The following NALF1 variants were observed in gnomAD, a reference collection of about 807,000 sequenced individuals.
NALF1 encodes the protein NALCN channel auxiliary factor 1, also known as family with sequence similarity 155 member A.
NALF1 carries 3 observed loss-of-function variants against 48.4 expected under a neutral mutation model. That is an observed-to-expected ratio of 0.06 (90% confidence interval 0.03 to 0.16). NALF1 has a LOEUF of 0.16. Among genes scored for constraint, NALF1 ranks in the 10% least tolerant of loss-of-function variants. The pLI, the probability that NALF1 is intolerant of heterozygous loss-of-function variation, is 1.00. For missense variants in NALF1, 526 were observed against 571.5 expected (o/e 0.92, Z 0.81); for synonymous variants, 262 against 245.7 (o/e 1.07, Z -0.62).
intron 1 of NALF1, among the ~76,000 whole-genome samples, chr13:107,483,785 T>C (rs1885287883): frequency 7.7e-6 from 1 of 129,392 alleles, no homozygotes; most frequent in African/African-American, 2.5e-5. Context: ...ATTCAAAATG[T>C]CAGCAATCTG....
intron 2 of NALF1, among the ~76,000 whole-genome samples, chr13:107,190,087 C>A (rs1055368862): frequency 3.3e-5 from 5 of 152,090 alleles, no homozygotes; most frequent in African/African-American, 1.2e-4. Context: ...TTTTGTAAAT[C>A]AGTGTTACTG....
chr13:107,740,537 T>C (rs899998273), intron 1 of NALF1, among the ~76,000 whole-genome samples: 1 of 152,232 alleles, frequency 6.6e-6, no homozygotes, highest in Non-Finnish European at 1.5e-5. Flanking sequence ...TATTAGATTA[T>C]TCATCACAAT....
intron 1 of NALF1, among the ~76,000 whole-genome samples, chr13:107,802,486 T>G (rs1878649593): frequency 6.6e-6 from 1 of 152,184 alleles, no homozygotes; most frequent in African/African-American, 2.4e-5. Context: ...TTCTTGTAAT[T>G]TGCAATTTTA....
chr13:107,170,576 GCTGTGAGCA>G lies in NALF1; in HGVS notation c.1289_1297del (p.Val430_Thr432del). On this transcript the variant is annotated inframe_deletion, in exon 3 of 3. Coordinates refer to ENST00000375915, the MANE Select transcript of NALF1 (RefSeq NM_001080396.3). ...TCCGGCTGTGTTCTGTGCTGCCGAG[GCTGTGAGCA>G]CTGTGTGTAAGAGAATCAGTACAAG... 6.2e-7 allele frequency: 1 copy of G among 1,614,144 alleles called. No homozygotes were observed. The highest frequency in any genetic ancestry group is 8.5e-7 in the Non-Finnish European group (1 of 1,180,038).
chr13:107,210,524 A>T, intron 2 of NALF1, 60 bp downstream of exon 2: 1 of 1,191,440 alleles, frequency 8.4e-7, no homozygotes, highest in Non-Finnish European at 1.2e-6. Flanking sequence ...GCAAACAAAC[A>T]TCACACAAGA....
chr13:107,211,388 G>A (rs1879758511), intron 1 of NALF1, among the ~76,000 whole-genome samples: 4 of 152,192 alleles, frequency 2.6e-5, no homozygotes, highest in African/African-American at 9.7e-5. Flanking sequence ...TGGTGTGGTT[G>A]GGAGTAGGAG....
intron 1 of NALF1, among the ~76,000 whole-genome samples, chr13:107,328,386 T>C (rs1256563988): frequency 1.3e-5 from 2 of 152,168 alleles, no homozygotes; most frequent in East Asian, 1.9e-4. Context: ...CTGTGCTTAG[T>C]GTATTGTAGG....
chr13:107,618,511 T>A (rs986054850), intron 1 of NALF1, among the ~76,000 whole-genome samples: 10 of 152,166 alleles, frequency 6.6e-5, no homozygotes, highest in Admixed American at 1.3e-4. Context: ...GAAAATGAAT[T>A]AGAGTCAAAA....
chr13:107,708,070 T>G (rs1875456374), intron 1 of NALF1, among the ~76,000 whole-genome samples: 1 of 151,976 alleles, frequency 6.6e-6, no homozygotes, highest in Non-Finnish European at 1.5e-5. Flanking sequence ...TACAGTCAAT[T>G]TTCTATCTAG....
chr13:107,748,430 AC>A (rs1194084318), intron 1 of NALF1, among the ~76,000 whole-genome samples: 2 of 152,190 alleles, frequency 1.3e-5, no homozygotes, highest in East Asian at 3.9e-4. Context: ...TAGTCTTTAT[AC>A]CACACTGGCA....
At chr13:107,215,090 C>G (rs1879843448) in intron 1 of NALF1, among the ~76,000 whole-genome samples, 2 of 152,028 alleles carry the variant, frequency 1.3e-5, no homozygotes, top group Admixed American at 1.3e-4. Flanking sequence ...GGGTGGAAAG[C>G]CTTAGAGACC....
chr13:107,279,892 T>G (rs77564422), intron 1 of NALF1, among the ~76,000 whole-genome samples: 6,968 of 152,294 alleles, frequency 0.046, 216 homozygotes, highest in South Asian at 0.064. Flanking sequence ...TCAGTTACCT[T>G]ATAAATACCA....
intron 1 of NALF1, among the ~76,000 whole-genome samples, chr13:107,756,067 T>C (rs1345892463): frequency 6.6e-6 from 1 of 152,202 alleles, no homozygotes; most frequent in Non-Finnish European, 1.5e-5. Context: ...TTGTGTCTAA[T>C]GTTTCTTTGT....
At chr13:107,695,780 T>C (rs1283477435) in intron 1 of NALF1, among the ~76,000 whole-genome samples, 3 of 152,186 alleles carry the variant, frequency 2.0e-5, no homozygotes, top group Non-Finnish European at 4.4e-5. Flanking sequence ...AGCACACCTT[T>C]ATCAAAAGCA....
intron 1 of NALF1, among the ~76,000 whole-genome samples, chr13:107,270,013 G>A (rs538988171): frequency 3.9e-4 from 54 of 140,072 alleles, no homozygotes; most frequent in Admixed American, 2.4e-3. Flanking sequence ...CTCGTGATCC[G>A]CCCGCCTCGC....
At chr13:107,275,793 T>C (rs1466936918) in intron 1 of NALF1, among the ~76,000 whole-genome samples, 1 of 152,206 alleles carries the variant, frequency 6.6e-6, no homozygotes, top group African/African-American at 2.4e-5. Flanking sequence ...GGGTGTCCTG[T>C]ATTTTTGTTC....
At chr13:107,783,092 C>T (rs1437000690) in intron 1 of NALF1, among the ~76,000 whole-genome samples, 15 of 142,916 alleles carry the variant, frequency 1.0e-4, no homozygotes, top group Non-Finnish European at 2.1e-4. Context: ...CCCGGCCAGC[C>T]GCCTCGTCCG....
chr13:107,772,660 A>T (rs1877611641), intron 1 of NALF1, among the ~76,000 whole-genome samples: 1 of 152,202 alleles, frequency 6.6e-6, no homozygotes, highest in African/African-American at 2.4e-5. Context: ...AAACATGTTC[A>T]ACGAGAAAAG....
rs199782922 is a variant in NALF1, at chr13:107,556,300, C to T, written c.915+309382G>A. The stretch of plus-strand genomic sequence containing the variant: ...ATATATATATATATATATATATACA[C>T]ACACACACACACACACACATATATA... On this transcript the variant is annotated intron_variant, in intron 1 of 2. Transcript: ENST00000375915. 8.2e-3 allele frequency among the ~76,000 whole-genome samples: 1,093 copies of T among 132,984 alleles called. 8 individuals are homozygous for T. Among genetic ancestry groups the T allele is most frequent in the African/African-American group, 0.021 (672 of 31,354 alleles). The allele number at this position is 132,984 out of a possible 152,430, so 87.2% of individuals were successfully genotyped here. A position where few individuals can be genotyped will look rare whatever the true frequency, so the allele number is the denominator to read the frequency against.
Sources: gnomAD v4.1 joint callset for allele counts (sites outside exome capture counted in the v4.1 genomes callset) on GRCh38, gnomAD v4.1.1 for gene constraint, MANE v1.5 for transcripts, NCBI Gene and HGNC (gene_info 2026-07-23, HGNC 2026-07-21) for gene names.